LMTK2: variants seen among roughly 807,000 people sequenced by gnomAD.
The protein encoded by LMTK2 is lemur tail kinase 2.
LMTK2 carries 37 observed loss-of-function variants against 127.5 expected under a neutral mutation model. The observed-to-expected ratio is 0.29, with a 90% confidence interval of 0.22 to 0.38. The LOEUF (loss-of-function observed/expected upper bound fraction) is 0.38. LMTK2 is among the 10% of genes least tolerant of loss of function. The probability of loss-of-function intolerance (pLI) is 1.00; values close to 1 mark genes in which losing one functional copy is unlikely to be tolerated. For missense variants in LMTK2, 1,694 were observed against 1,920.3 expected, an observed-to-expected ratio of 0.88 and a Z score of 2.20; for synonymous variants, 819 against 810.1, an observed-to-expected ratio of 1.01 and a Z score of -0.19.
intron 1 of LMTK2, among the ~76,000 whole-genome samples, chr7:98,113,076 A>T (rs971894212): frequency 1.3e-5 from 2 of 151,998 alleles, no homozygotes; most frequent in Admixed American, 1.3e-4. Flanking sequence ...AGAGATGGTG[A>T]TATGGTTTGG....
intron 11 of LMTK2, among the ~76,000 whole-genome samples, chr7:98,201,492 A>T (rs1191516136): frequency 2.0e-5 from 3 of 152,164 alleles, no homozygotes; most frequent in Non-Finnish European, 1.5e-5. Flanking sequence ...CCGATTTGGG[A>T]TGCTCAAGCT....
chr7:98,171,625 G>A lies in LMTK2; in HGVS notation c.742G>A (p.Glu248Lys). 6.2e-7 allele frequency: 1 copy of A among 1,610,582 alleles called. No homozygotes were observed. The highest frequency in any genetic ancestry group is 8.5e-7 in the Non-Finnish European group (1 of 1,178,784). ...QTMLLQRMAC[E>K]VAAGLAAMHK... is the part of the protein sequence containing the mutation. Reference sequence around the variant, plus strand: ...CATGCTGCTGCAGAGGATGGCGTGCGAGGTCGCCGCGGGGCTGGCCGCCAT... The same window carrying A: ...CATGCTGCTGCAGAGGATGGCGTGCAAGGTCGCCGCGGGGCTGGCCGCCAT... The change falls in exon 7 of 14, where the codon GAG becomes AAG. Residue 248 changes from glutamate (E) to lysine (K), a missense_variant. Coordinates refer to ENST00000297293, the MANE Select transcript of LMTK2 (RefSeq NM_014916.4). The surrounding 1 kb of genome is among the most constrained non-coding windows in gnomAD (Gnocchi z 5.1).
intron 1 of LMTK2, among the ~76,000 whole-genome samples, chr7:98,120,995 G>A (rs1215585646): frequency 1.3e-5 from 2 of 152,144 alleles, no homozygotes; most frequent in Admixed American, 6.5e-5. Flanking sequence ...ATAGGCACCC[G>A]GTAGACTTAG....
At chr7:98,133,560 TA>T (rs1225721071) in intron 1 of LMTK2, among the ~76,000 whole-genome samples, 1 of 152,142 alleles carries the variant, frequency 6.6e-6, no homozygotes, top group Non-Finnish European at 1.5e-5. Flanking sequence ...AAAAATACTT[TA>T]AAGTTTTAAA....
At chr7:98,115,230 C>T (rs1006381657) in intron 1 of LMTK2, among the ~76,000 whole-genome samples, 1 of 151,730 alleles carries the variant, frequency 6.6e-6, no homozygotes, top group Non-Finnish European at 1.5e-5. Context: ...GCCTGGACAA[C>T]ACGGAGAAAC....
chr7:98,119,499 A>G (rs146496238), intron 1 of LMTK2, among the ~76,000 whole-genome samples: 1 of 152,354 alleles, frequency 6.6e-6, no homozygotes, highest in Non-Finnish European at 1.5e-5. Context: ...AAAGCTTGAA[A>G]TAAGTATTTT....
rs1056315893 is a variant in LMTK2 at position 98,151,564 on chromosome 7, C to G, written c.450+109C>G. On this transcript the variant is annotated intron_variant, in intron 4 of 13. Transcript: ENST00000297293. Reference sequence around the variant, plus strand: ...AGTTCCACGTGCCCTGTGGGCCCTGCGTTACTAATTGAGTTTCCCCATTCC... The same window carrying G: ...AGTTCCACGTGCCCTGTGGGCCCTGGGTTACTAATTGAGTTTCCCCATTCC... The G allele has an allele frequency of 4.8e-6, 4 of 828,566 alleles. No homozygotes were observed. In the African/African-American group the frequency reaches 6.9e-5, roughly 14 times the overall value. 51.3% of individuals were successfully genotyped at this position (828,566 alleles called of 1,614,324 possible).
intron 1 of LMTK2, among the ~76,000 whole-genome samples, chr7:98,116,475 T>G (rs1796287858): frequency 6.6e-6 from 1 of 152,032 alleles, no homozygotes. Flanking sequence ...GGAGAGGGTA[T>G]GAGCTGAAGC....
At chr7:98,130,685 G>A (rs1796508827) in intron 1 of LMTK2, among the ~76,000 whole-genome samples, 1 of 152,180 alleles carries the variant, frequency 6.6e-6, no homozygotes, top group Admixed American at 6.5e-5. Context: ...GTAGAGGGGA[G>A]ATGATGGGAA....
In LMTK2 at chr7:98,140,142, CTTTT is replaced by C. The variant is rs1562902686; in HGVS notation, c.232-1254_232-1251del. Among the ~76,000 whole-genome samples, 110 of 67,030 alleles carry C rather than the reference CTTTT, an allele frequency of 1.6e-3. 8 individuals carry two copies. The highest frequency in any genetic ancestry group is 8.4e-3 in the African/African-American group (86 of 10,292). The allele number at this position is 67,030 out of a possible 152,430, so 44.0% of individuals were successfully genotyped here. A position where few individuals can be genotyped will look rare whatever the true frequency, so the allele number is the denominator to read the frequency against. On this transcript the variant is annotated intron_variant, in intron 2 of 13. Coordinates refer to ENST00000297293, the MANE Select transcript of LMTK2 (RefSeq NM_014916.4). ...TCTTTCTTTCTTTCTTTCTTTCTTT[CTTTT>C]CTTTTCTTTTCTTTTCTTTTCTTTT...
At chr7:98,125,946 A>G (rs1428096434) in intron 1 of LMTK2, among the ~76,000 whole-genome samples, 2 of 152,342 alleles carry the variant, frequency 1.3e-5, no homozygotes, top group Middle Eastern at 3.4e-3. Flanking sequence ...AATATTCAAT[A>G]GTAGCACCGG....
intron 6 of LMTK2, among the ~76,000 whole-genome samples, chr7:98,170,791 AATC>A (rs1301593473): frequency 6.6e-6 from 1 of 152,182 alleles, no homozygotes; most frequent in Non-Finnish European, 1.5e-5. Flanking sequence ...CCTAAATGAA[AATC>A]ATGAAATAAA....
chr7:98,187,628 T>G (rs1403132205), intron 9 of LMTK2, among the ~76,000 whole-genome samples: 1 of 151,902 alleles, frequency 6.6e-6, no homozygotes, highest in Non-Finnish European at 1.5e-5. Context: ...TGTTTTGAGA[T>G]AGAGTCTCAC....
chr7:98,151,277 C>T (rs1374331640), intron 3 of LMTK2, 105 bp from the exon 4 acceptor site: 2 of 690,004 alleles, frequency 2.9e-6, no homozygotes, highest in African/African-American at 1.8e-5. Context: ...GTATTTATTC[C>T]TACCTTTATT....
chr7:98,161,935 G>T (rs981974544), intron 6 of LMTK2, among the ~76,000 whole-genome samples: 1 of 152,176 alleles, frequency 6.6e-6, no homozygotes, highest in African/African-American at 2.4e-5. Flanking sequence ...AATAGAGCCG[G>T]AGGCAGCATC....
intron 2 of LMTK2, 82 bp from the exon 3 acceptor site, chr7:98,141,315 C>T: frequency 1.5e-6 from 2 of 1,305,546 alleles, no homozygotes; most frequent in Non-Finnish European, 2.2e-6. Context: ...ATTGTGGCAG[C>T]AAGTTCCAAA....
chr7:98,184,908 G>C (rs1437571401), intron 7 of LMTK2, 143 bp from the exon 8 acceptor site: 1 of 567,638 alleles, frequency 1.8e-6, no homozygotes, highest in Non-Finnish European at 3.3e-6. Flanking sequence ...CTATGAAAAA[G>C]AATTTTGAGA....
At chr7:98,135,854 T>G (rs1015426394) in intron 1 of LMTK2, among the ~76,000 whole-genome samples, 1 of 152,084 alleles carries the variant, frequency 6.6e-6, no homozygotes, top group African/African-American at 2.4e-5. Context: ...GGCAGTATCC[T>G]TGGCATATTC....
chr7:98,154,776 T>G lies in LMTK2; in HGVS notation c.469T>G (p.Tyr157Asp). The change falls in exon 5 of 14, where the codon TAC becomes GAC. Residue 157 changes from tyrosine to aspartate, a missense_variant. By Grantham distance (160) the Tyr-to-Asp change is radical. This residue lies in a region of LMTK2 where 203 missense variants were observed against 226.2 expected (regional missense o/e 0.90). Transcript: ENST00000297293. ...ATTTTAGGTTCTCTTGGGAGAGATT[T>G]ACACGGGCACTAGCGTAGCAAGAGT... The part of the protein sequence containing the change: ...WFGKVLLGEI[Y>D]TGTSVARVIV... The G allele has an allele frequency of 6.2e-7, 1 of 1,611,950 alleles. No individual in the cohort carries two copies. The highest frequency in any genetic ancestry group is 8.5e-7 in the Non-Finnish European group (1 of 1,178,142).
Sources: gnomAD v4.1 joint callset for allele counts (sites outside exome capture counted in the v4.1 genomes callset) on GRCh38, gnomAD v4.1.1 for gene constraint, gnomAD v4.1.1 regional missense constraint, Gnocchi (gnomAD v3.1) non-coding constraint, MANE v1.5 for transcripts, NCBI Gene and HGNC (gene_info 2026-07-23, HGNC 2026-07-21) for gene names.